The following ERBB4 variants were observed in gnomAD, a reference collection of about 807,000 sequenced individuals.
The protein encoded by ERBB4 is receptor tyrosine-protein kinase erbB-4.
In ERBB4, 42 loss-of-function variants were observed where a neutral mutation model predicts 158.0. The observed-to-expected ratio is 0.27, with a 90% CI of 0.21 to 0.34. The LOEUF (loss-of-function observed/expected upper bound fraction) is 0.34, where lower values mean the gene tolerates loss of function less well. Among genes scored for constraint, ERBB4 ranks in the 10% least tolerant of loss-of-function variants. The pLI, the probability that ERBB4 is intolerant of heterozygous loss-of-function variation, is 1.00. For synonymous variants in ERBB4, 583 were observed against 558.7 expected, an observed-to-expected ratio of 1.04 and a Z score of -0.61; for missense variants, 1,333 against 1,624.1, an observed-to-expected ratio of 0.82 and a Z score of 3.08.
chr2:212,443,262 T>C (rs1020685732), intron 1 of ERBB4, among the ~76,000 whole-genome samples: 5 of 152,226 alleles, frequency 3.3e-5, no homozygotes, highest in African/African-American at 1.2e-4. Flanking sequence ...AGATATCATA[T>C]TGGTCCATTA....
At chr2:212,411,799 C>T (rs1262900352) in intron 1 of ERBB4, among the ~76,000 whole-genome samples, 3 of 152,132 alleles carry the variant, frequency 2.0e-5, no homozygotes, top group Non-Finnish European at 4.4e-5. Context: ...AGCAGTCTTA[C>T]TTAGTCCCTA....
chr2:212,167,150 C>G (rs1016720063), intron 1 of ERBB4, among the ~76,000 whole-genome samples: 4 of 152,064 alleles, frequency 2.6e-5, no homozygotes, highest in African/African-American at 2.4e-5. Flanking sequence ...TCAGAGTGAA[C>G]AGGCAACCTA....
intron 3 of ERBB4, among the ~76,000 whole-genome samples, chr2:211,936,501 T>A (rs1473743286): frequency 6.6e-6 from 1 of 152,044 alleles, no homozygotes; most frequent in African/African-American, 2.4e-5. Context: ...TAATTTTACA[T>A]GGCTTACAAT....
intron 1 of ERBB4, among the ~76,000 whole-genome samples, chr2:212,410,417 C>T (rs537157611): frequency 6.6e-6 from 1 of 152,048 alleles, no homozygotes; most frequent in Non-Finnish European, 1.5e-5. Flanking sequence ...ATATATGGAA[C>T]ATATGTATGT....
At chr2:211,933,858 T>C (rs1355743366) in intron 3 of ERBB4, among the ~76,000 whole-genome samples, 3 of 152,168 alleles carry the variant, frequency 2.0e-5, no homozygotes, top group East Asian at 3.9e-4. Flanking sequence ...TTTATTGCTC[T>C]TTATTTCCAA....
intron 5 of ERBB4, among the ~76,000 whole-genome samples, chr2:211,738,827 C>T (rs1002248497): frequency 6.6e-5 from 10 of 151,672 alleles, no homozygotes; most frequent in African/African-American, 1.7e-4. Context: ...CCACCATACC[C>T]GGCTATTTTT....
At position 211,924,924 on chromosome 2, in the gene ERBB4, T is replaced by C. The variant is rs182886966; in HGVS notation, c.421+22506A>G. On this transcript the variant is annotated intron_variant, in intron 3 of 27. Transcript: ENST00000342788. The stretch of plus-strand genomic sequence containing the variant: ...ACTTGTACCATTATTTTCAAATCTT[T>C]GTATGGATATTTTAGGAAATACTTT... Among the ~76,000 whole-genome samples the C allele has an allele frequency of 1.1e-3, 166 of 152,258 alleles. 1 individual carries two copies. Among genetic ancestry groups the C allele is most frequent in the Non-Finnish European group, 1.2e-3 (82 of 67,998 alleles).
In ERBB4 at chr2:212,413,989, T is replaced by C. The variant is rs563010726; in HGVS notation, c.82+124460A>G. On this transcript the variant is annotated intron_variant, in intron 1 of 27. Transcript: ENST00000342788. ...CATCTGTGAAATAGTGATAAAATGC[T>C]GGTTTACAACTTTCCAGAGTTATTG... Among the ~76,000 whole-genome samples the C allele has an allele frequency of 2.6e-5, 4 of 152,324 alleles. No homozygotes were observed. The South Asian group carries it at 8.3e-4, about 32-fold the overall frequency.
intron 2 of ERBB4, among the ~76,000 whole-genome samples, chr2:212,080,757 A>G: frequency 6.6e-6 from 1 of 152,186 alleles, no homozygotes; most frequent in East Asian, 1.9e-4. Flanking sequence ...ATTGCTTTCA[A>G]CATTTCTTTT....
At chr2:211,808,936 A>G (rs776803459) in intron 3 of ERBB4, among the ~76,000 whole-genome samples, 4 of 151,956 alleles carry the variant, frequency 2.6e-5, no homozygotes, top group Non-Finnish European at 5.9e-5. Context: ...TTTGTCTGTT[A>G]TTGGTGTACA....
At chr2:212,381,472 A>G (rs1438800763) in intron 1 of ERBB4, among the ~76,000 whole-genome samples, 5 of 151,362 alleles carry the variant, frequency 3.3e-5, no homozygotes, top group African/African-American at 4.8e-5. Context: ...TATTACATGT[A>G]TATGTGTAGT....
chr2:211,847,072 G>A (rs2077608421), intron 3 of ERBB4, among the ~76,000 whole-genome samples: 1 of 152,136 alleles, frequency 6.6e-6, no homozygotes, highest in South Asian at 2.1e-4. Context: ...CTCAGAGTAA[G>A]AGAAACTTGG....
chr2:212,217,332 C>A (rs2083133460), intron 1 of ERBB4, among the ~76,000 whole-genome samples: 1 of 151,292 alleles, frequency 6.6e-6, no homozygotes, highest in Non-Finnish European at 1.5e-5. Flanking sequence ...TTCTTAACAT[C>A]TTTGCAAGTT....
chr2:211,704,266 T>C, intron 10 of ERBB4, 72 bp from the exon 11 acceptor site: 2 of 985,182 alleles, frequency 2.0e-6, no homozygotes, highest in South Asian at 1.3e-5. Flanking sequence ...TTTCTTGAAA[T>C]ATGGTGAAAA....
intron 3 of ERBB4, among the ~76,000 whole-genome samples, chr2:211,822,855 G>A (rs963863423): frequency 6.6e-6 from 1 of 151,964 alleles, no homozygotes; most frequent in Non-Finnish European, 1.5e-5. Context: ...CTATCACTTG[G>A]TTTTAGGCTG....
chr2:212,211,569 G>A (rs924617886), intron 1 of ERBB4, among the ~76,000 whole-genome samples: 1 of 143,136 alleles, frequency 7.0e-6, no homozygotes, highest in Non-Finnish European at 1.6e-5. Flanking sequence ...GAGATCCAAA[G>A]TCTAAACAGC....
At chr2:212,420,297 G>C (rs751178190) in intron 1 of ERBB4, among the ~76,000 whole-genome samples, 3 of 151,952 alleles carry the variant, frequency 2.0e-5, no homozygotes, top group Non-Finnish European at 4.4e-5. Flanking sequence ...CTAATGTTAG[G>C]CATATAAGAA....
At chr2:212,202,503 C>T (rs2082616746) in intron 1 of ERBB4, among the ~76,000 whole-genome samples, 2 of 151,972 alleles carry the variant, frequency 1.3e-5, no homozygotes, top group Non-Finnish European at 2.9e-5. Flanking sequence ...CATGAGCCAC[C>T]ATGTCTGGGT....
chr2:212,007,277 TTAAA>T (rs2076281015), intron 2 of ERBB4, among the ~76,000 whole-genome samples: 1 of 151,864 alleles, frequency 6.6e-6, no homozygotes, highest in Non-Finnish European at 1.5e-5. Flanking sequence ...TCTTTTAAAA[TTAAA>T]TAAGGAAGAT....
Sources: gnomAD v4.1 joint callset for allele counts (sites outside exome capture counted in the v4.1 genomes callset) on GRCh38, gnomAD v4.1.1 for gene constraint, MANE v1.5 for transcripts, NCBI Gene and HGNC (gene_info 2026-07-23, HGNC 2026-07-21) for gene names.